Variants in SFMBT2 observed in about 807,000 individuals in gnomAD.
SFMBT2 encodes the protein scm-like with four MBT domains protein 2.
SFMBT2 carries 38 observed loss-of-function variants against 110.1 expected under a neutral mutation model. That is an observed-to-expected ratio of 0.35 (90% confidence interval 0.27 to 0.45). The LOEUF is 0.45. SFMBT2 is among the 20% of genes least tolerant of loss of function. The probability of loss-of-function intolerance (pLI) is 1.00; values close to 1 mark genes in which losing one functional copy is unlikely to be tolerated. For synonymous variants in SFMBT2, 425 were observed against 425.4 expected (o/e 1.00, Z 0.01); for missense variants, 1,011 against 1,094.9 (o/e 0.92, Z 1.08).
intron 15 of SFMBT2, among the ~76,000 whole-genome samples, chr10:7,197,147 G>T (rs1003307869): frequency 3.9e-5 from 6 of 152,100 alleles, no homozygotes; most frequent in Admixed American, 3.9e-4. Context: ...CGCCATTCTC[G>T]GTGATTAACA....
chr10:7,365,946 T>C (rs1844883027), intron 4 of SFMBT2, among the ~76,000 whole-genome samples: 1 of 152,066 alleles, frequency 6.6e-6, no homozygotes, highest in Non-Finnish European at 1.5e-5. Flanking sequence ...CACTTTAAAG[T>C]GGTGAGTTTT....
chr10:7,300,518 C>A (rs1363910331), intron 4 of SFMBT2, among the ~76,000 whole-genome samples: 1 of 152,144 alleles, frequency 6.6e-6, no homozygotes, highest in Admixed American at 6.5e-5. Context: ...TTCACACTGC[C>A]CCCTTCACAC....
rs1052693300 is a variant in SFMBT2, at chr10:7,171,599, C to G, written c.2415+296G>C. On this transcript the variant is annotated intron_variant, in intron 19 of 20. Coordinates refer to ENST00000397167, the MANE Select transcript of SFMBT2 (RefSeq NM_001387889.1). This position sits in a 1 kb window ranked among gnomAD's most constrained non-coding sequence, Gnocchi z 4.9. Reference sequence around the variant, plus strand: ...TGCGGGGAAGGAATTTCTGGAAACCCAGACTTCAAAGGAAACTGAGGACTG... The same window carrying G: ...TGCGGGGAAGGAATTTCTGGAAACCGAGACTTCAAAGGAAACTGAGGACTG... 1.0e-6 allele frequency: 1 copy of G among 984,036 alleles called. No homozygotes were observed. Among genetic ancestry groups the G allele is most frequent in the African/African-American group, 1.7e-5 (1 of 57,202 alleles). The allele number at this position is 984,036 out of a possible 1,614,324, so 61.0% of individuals were successfully genotyped here.
intron 7 of SFMBT2, among the ~76,000 whole-genome samples, chr10:7,249,881 G>A (rs1840746621): frequency 6.6e-6 from 1 of 152,182 alleles, no homozygotes; most frequent in African/African-American, 2.4e-5. Context: ...CTCTGTTTTG[G>A]GGGATGCATG....
Position 7,205,926 on chromosome 10 carries a change from G to C in SFMBT2, c.1333C>G (p.Leu445Val). The C allele has an allele frequency of 4.3e-6, 7 of 1,613,892 alleles. No homozygotes were observed. Among genetic ancestry groups the C allele is most frequent in the Non-Finnish European group, 5.9e-6 (7 of 1,179,880 alleles). ...ATGACCTCTGGAACAGGAGTCTGCA[G>C]CCCTGCATGGGAAGAAGTTGAAACA... ...GRLMWLHLEG[L>V]QTPVPEVIVD... Residue 445 changes from leucine (L) to valine (V), a missense_variant and splice_region_variant, in exon 12 of 21, where the codon CTG (leucine) becomes GTG (valine). This residue lies in a region of SFMBT2 where 979 missense variants were observed against 1,016.1 expected (regional missense o/e 0.96). Transcript: ENST00000397167.
chr10:7,211,113 C>T (rs1232513690), intron 11 of SFMBT2, among the ~76,000 whole-genome samples: 1 of 152,104 alleles, frequency 6.6e-6, no homozygotes, highest in Non-Finnish European at 1.5e-5. Flanking sequence ...GGATTTAAAC[C>T]TGGGCAGTCC....
chr10:7,232,391 T>C (rs1032516127), intron 9 of SFMBT2, among the ~76,000 whole-genome samples: 4 of 152,170 alleles, frequency 2.6e-5, no homozygotes, highest in Non-Finnish European at 4.4e-5. Context: ...GAAAAAGGTG[T>C]TATACATGAA....
chr10:7,197,312 T>C (rs1838806647), intron 15 of SFMBT2, among the ~76,000 whole-genome samples: 1 of 152,006 alleles, frequency 6.6e-6, no homozygotes. Context: ...TTCCCCCTAA[T>C]TCGAGGGAAG....
chr10:7,331,606 A>G (rs1056445364), intron 4 of SFMBT2, among the ~76,000 whole-genome samples: 1 of 152,148 alleles, frequency 6.6e-6, no homozygotes, highest in Admixed American at 6.5e-5. Context: ...CTGTGGTGGT[A>G]AAGATCCTTC....
At chr10:7,378,559 G>A (rs1845334181) in intron 2 of SFMBT2, among the ~76,000 whole-genome samples, 1 of 141,198 alleles carries the variant, frequency 7.1e-6, no homozygotes, top group African/African-American at 2.6e-5. Flanking sequence ...TGTATAGATG[G>A]GTGGATGGAT....
At chr10:7,194,094 G>C (rs774686757) in intron 15 of SFMBT2, among the ~76,000 whole-genome samples, 4 of 152,198 alleles carry the variant, frequency 2.6e-5, no homozygotes, top group Non-Finnish European at 5.9e-5. Context: ...GGCCCAGCAT[G>C]TGAGGGGCGG....
intron 7 of SFMBT2, among the ~76,000 whole-genome samples, chr10:7,269,883 A>G (rs1046028380): frequency 5.3e-5 from 8 of 150,836 alleles, no homozygotes. Flanking sequence ...TCCTCATCCC[A>G]TGCATCCATA....
chr10:7,204,434 T>G (rs1055081656), intron 12 of SFMBT2: 7 of 985,210 alleles, frequency 7.1e-6, no homozygotes, highest in Non-Finnish European at 8.4e-6. Flanking sequence ...GGAATCTCTT[T>G]AACAGTTAAA....
At chr10:7,179,416 A>AC (rs1838177082) in intron 16 of SFMBT2, among the ~76,000 whole-genome samples, 2 of 117,530 alleles carry the variant, frequency 1.7e-5, no homozygotes, top group African/African-American at 5.9e-5. Flanking sequence ...AAAAAAAAAA[A>AC]CAAAAGAAAC....
At chr10:7,327,700 C>T (rs75048073) in intron 4 of SFMBT2, among the ~76,000 whole-genome samples, 1,909 of 150,644 alleles carry the variant, frequency 0.013, 44 homozygotes, top group African/African-American at 0.045. Context: ...AAAAAAAGAA[C>T]GTCATATAAA....
chr10:7,339,164 C>T (rs1053641727), intron 4 of SFMBT2, among the ~76,000 whole-genome samples: 10 of 152,082 alleles, frequency 6.6e-5, no homozygotes, highest in Non-Finnish European at 1.2e-4. Flanking sequence ...CACTTGAACC[C>T]GGGAGGCGGA....
At chr10:7,319,218 T>G (rs949292340) in intron 4 of SFMBT2, among the ~76,000 whole-genome samples, 3 of 152,296 alleles carry the variant, frequency 2.0e-5, no homozygotes, top group Admixed American at 6.5e-5. Flanking sequence ...AATCATCAAG[T>G]TCGCAGTACT....
intron 4 of SFMBT2, among the ~76,000 whole-genome samples, chr10:7,334,212 C>T (rs139190090): frequency 2.6e-5 from 4 of 152,246 alleles, no homozygotes; most frequent in Middle Eastern, 3.4e-3. Context: ...AGCCAGGCAC[C>T]GTCACATCCA....
At chr10:7,349,440 C>CTTTTTTTTTTTTT (rs369479041) in intron 4 of SFMBT2, among the ~76,000 whole-genome samples, 1,166 of 46,836 alleles carry the variant, frequency 0.025, 203 homozygotes, top group Non-Finnish European at 0.03. Flanking sequence ...CTTTTCTTTT[C>CTTTTTTTTTTTTT]TTTTTTTTTT....
Sources: allele counts gnomAD v4.1 joint callset (sites outside exome capture counted in the v4.1 genomes callset), GRCh38; gene constraint gnomAD v4.1.1; regional missense constraint gnomAD v4.1.1; non-coding constraint Gnocchi (gnomAD v3.1); transcripts MANE v1.5; gene names NCBI Gene and HGNC (gene_info 2026-07-23, HGNC 2026-07-21).